The following PIK3R1 variants were observed in gnomAD, a reference collection of about 807,000 sequenced individuals.
PIK3R1 encodes the protein phosphatidylinositol 3-kinase regulatory subunit alpha.
In PIK3R1, 29 loss-of-function variants were observed where a neutral mutation model predicts 98.0. The observed-to-expected ratio is 0.30, with a 90% CI of 0.22 to 0.40. PIK3R1 has a LOEUF of 0.40. Among genes scored for constraint, PIK3R1 ranks in the 10% least tolerant of loss-of-function variants. PIK3R1 has a pLI of 1.00. For synonymous variants in PIK3R1, 282 were observed against 311.8 expected, an observed-to-expected ratio of 0.90 and a Z score of 1.01; for missense variants, 596 against 872.7, an observed-to-expected ratio of 0.68 and a Z score of 3.99.
At position 68,299,225 on chromosome 5, in the gene PIK3R1, G is replaced by T. The variant is rs913813702; in HGVS notation, c.*1624G>T. On this transcript the variant is annotated 3_prime_UTR_variant, in exon 16 of 16. Transcript: ENST00000521381. ...TCATGACCAGCAAATACTCATTTTAGGAAAAAAAAAAGCATGATCTGAAAA... is the reference window on the plus strand; with the variant it reads ...TCATGACCAGCAAATACTCATTTTATGAAAAAAAAAAGCATGATCTGAAAA... The T allele has an allele frequency of 8.6e-6, 2 of 232,324 alleles. No homozygotes were observed. The highest frequency in any genetic ancestry group is 4.4e-5 in the African/African-American group (2 of 45,046). 14.4% of individuals were successfully genotyped at this position (232,324 alleles called of 1,614,324 possible). A position where few individuals can be genotyped will look rare whatever the true frequency, so the allele number is the denominator to read the frequency against.
At chr5:68,248,328 T>C (rs768117714) in intron 2 of PIK3R1, among the ~76,000 whole-genome samples, 3 of 152,164 alleles carry the variant, frequency 2.0e-5, no homozygotes, top group African/African-American at 4.8e-5. Context: ...TGGATAGATA[T>C]ATGAATTCAG....
chr5:68,245,764 T>C (rs1052350959), intron 2 of PIK3R1, among the ~76,000 whole-genome samples: 1 of 152,220 alleles, frequency 6.6e-6, no homozygotes, highest in Non-Finnish European at 1.5e-5. Context: ...TGAAATTGTT[T>C]AGCCACAGAA....
chr5:68,236,966 C>A (rs1048806638), intron 2 of PIK3R1, among the ~76,000 whole-genome samples: 4 of 152,174 alleles, frequency 2.6e-5, no homozygotes, highest in Admixed American at 2.6e-4. Context: ...AAGAAATACA[C>A]CATGATCAGA....
At chr5:68,254,504 TAGGCCTCTAACCCCAAGGG>T (rs1478679373) in intron 2 of PIK3R1, among the ~76,000 whole-genome samples, 2 of 152,380 alleles carry the variant, frequency 1.3e-5, no homozygotes, top group South Asian at 4.1e-4. Context: ...ATTTTCATCT[TAGGCCTCTAACCCCAAGGG>T]TATCTTTACA....
chr5:68,226,985 A>AC lies in PIK3R1; in HGVS notation c.311dup (p.Glu105Ter). On this transcript the variant is annotated frameshift_variant, in exon 2 of 16. Transcript: ENST00000521381. LOFTEE classifies it high-confidence loss of function. ...TCCTGTTGCACCAGGTTCTTCGAAA[A>AC]CTGAAGCAGATGTTGAACAACAAGG... 6.2e-7 allele frequency: 1 copy of AC among 1,612,408 alleles called. No homozygotes were observed. Among genetic ancestry groups the AC allele is most frequent in the Non-Finnish European group, 8.5e-7 (1 of 1,179,356 alleles).
At chr5:68,252,697 G>A (rs558887408) in intron 2 of PIK3R1, among the ~76,000 whole-genome samples, 2 of 152,246 alleles carry the variant, frequency 1.3e-5, no homozygotes, top group East Asian at 3.9e-4. Flanking sequence ...ACAAAGATTT[G>A]CAATTTCTAG....
intron 15 of PIK3R1, 49 bp downstream of exon 15, chr5:68,296,390 T>A: frequency 6.6e-7 from 1 of 1,506,744 alleles, no homozygotes; most frequent in Non-Finnish European, 9.1e-7. Context: ...TGAAGAGATG[T>A]TTCATTTATT....
In PIK3R1 at chr5:68,257,509, G is replaced by C. The variant is rs574565069; in HGVS notation, c.335-15881G>C. ...AATGTATTTGTGACAGCCAGTTGGGGTGGGGAGAGATGGGCTGTACTACAC... is the reference window on the plus strand; with the variant it reads ...AATGTATTTGTGACAGCCAGTTGGGCTGGGGAGAGATGGGCTGTACTACAC... On this transcript the variant is annotated intron_variant, in intron 2 of 15. Transcript: ENST00000521381. 2.6e-5 allele frequency among the ~76,000 whole-genome samples: 4 copies of C among 152,364 alleles called. No homozygotes were observed. In the South Asian group the frequency reaches 8.3e-4, roughly 32 times the overall value.
At chr5:68,292,951 T>C (rs1335781582) in intron 8 of PIK3R1, 150 bp from the exon 9 acceptor site, 2 of 686,440 alleles carry the variant, frequency 2.9e-6, no homozygotes, top group Middle Eastern at 2.5e-4. Flanking sequence ...TTTAAATCTA[T>C]GTGGGCAGGA....
chr5:68,241,388 GT>G (rs11335573), intron 2 of PIK3R1, among the ~76,000 whole-genome samples: 106,813 of 142,988 alleles, frequency 0.75, 39,869 homozygotes, highest in African/African-American at 0.88. Flanking sequence ...AATTTTTTTT[GT>G]TTTTTTTTTT....
intron 1 of PIK3R1, among the ~76,000 whole-genome samples, chr5:68,223,167 T>C (rs900651420): frequency 3.6e-5 from 5 of 140,686 alleles, no homozygotes; most frequent in Admixed American, 7.1e-5. Flanking sequence ...ATCATCATCA[T>C]CACCCAATAC....
At chr5:68,236,292 C>A (rs533302725) in intron 2 of PIK3R1, among the ~76,000 whole-genome samples, 2 of 151,886 alleles carry the variant, frequency 1.3e-5, no homozygotes, top group African/African-American at 4.8e-5. Context: ...CTCTGTCGCC[C>A]GGGCTGGAGA....
chr5:68,220,422 G>A (rs116634876), intron 1 of PIK3R1, among the ~76,000 whole-genome samples: 2 of 152,222 alleles, frequency 1.3e-5, no homozygotes, highest in South Asian at 2.1e-4. Context: ...TGGGTGATAG[G>A]ATCTGTCTGT....
At chr5:68,223,660 A>G (rs1744175680) in intron 1 of PIK3R1, among the ~76,000 whole-genome samples, 1 of 152,222 alleles carries the variant, frequency 6.6e-6, no homozygotes, top group Non-Finnish European at 1.5e-5. Flanking sequence ...GAGAATTTGT[A>G]GAGACCTTTA....
chr5:68,293,807 A>C lies in PIK3R1; in HGVS notation c.1398A>C (p.Leu466Phe). Residue 466 changes from leucine to phenylalanine, a missense_variant, in exon 11 of 16, where the codon TTA becomes TTC. Coordinates refer to ENST00000521381, the MANE Select transcript of PIK3R1 (RefSeq NM_181523.3). Reference sequence around the variant, plus strand: ...AAAAAAGTCGAGAATATGATAGATTATATGAAGAATATACCCGCACATCCC... The same window carrying C: ...AAAAAAGTCGAGAATATGATAGATTCTATGAAGAATATACCCGCACATCCC... ...FQEKSREYDR[L>F]YEEYTRTSQE... is the part of the protein sequence containing the mutation. 1.9e-6 allele frequency: 3 copies of C among 1,581,214 alleles called. No homozygotes were observed. Among genetic ancestry groups the C allele is most frequent in the Non-Finnish European group, 2.6e-6 (3 of 1,163,036 alleles).
intron 2 of PIK3R1, among the ~76,000 whole-genome samples, chr5:68,272,312 AAG>A (rs1457932350): frequency 3.9e-5 from 6 of 152,124 alleles, no homozygotes; most frequent in African/African-American, 1.4e-4. Context: ...GCTTCTAATA[AAG>A]AGCTATACTG....
At chr5:68,276,480 G>C (rs760919562) in intron 4 of PIK3R1, among the ~76,000 whole-genome samples, 56 of 152,184 alleles carry the variant, frequency 3.7e-4, no homozygotes, top group Non-Finnish European at 1.9e-4. Context: ...AAGGGTTGGA[G>C]AGTTTACTGG....
chr5:68,261,900 C>T (rs1160445590), intron 2 of PIK3R1, among the ~76,000 whole-genome samples: 1 of 152,174 alleles, frequency 6.6e-6, no homozygotes, highest in Non-Finnish European at 1.5e-5. Flanking sequence ...CCTTCCCTTT[C>T]TGCTGAAGAC....
chr5:68,271,990 C>T (rs943274331), intron 2 of PIK3R1, among the ~76,000 whole-genome samples: 1 of 152,084 alleles, frequency 6.6e-6, no homozygotes, highest in Non-Finnish European at 1.5e-5. Flanking sequence ...GTGGCTCACA[C>T]CTGTAATCCC....
Sources: gnomAD v4.1 joint callset for allele counts (sites outside exome capture counted in the v4.1 genomes callset) on GRCh38, gnomAD v4.1.1 for gene constraint, MANE v1.5 for transcripts, NCBI Gene and HGNC (gene_info 2026-07-23, HGNC 2026-07-21) for gene names.